Variants in IDO2 observed in about 807,000 individuals in gnomAD.
IDO2 encodes indoleamine 2,3-dioxygenase-like 1 protein.
A neutral mutation model predicts 45.1 loss-of-function variants in IDO2; 46 were observed. The observed-to-expected ratio is 1.02, with a 90% CI of 0.80 to 1.30. The LOEUF (loss-of-function observed/expected upper bound fraction) is 1.30, where lower values mean the gene tolerates loss of function less well. Among genes scored for constraint, IDO2 ranks in the 50% most tolerant of loss-of-function variants. The probability of loss-of-function intolerance (pLI) is 0.00; values close to 1 mark genes in which losing one functional copy is unlikely to be tolerated. For missense variants in IDO2, 544 were observed against 491.8 expected, an observed-to-expected ratio of 1.11 and a Z score of -1.00; for synonymous variants, 218 against 184.9, an observed-to-expected ratio of 1.18 and a Z score of -1.45.
At chr8:39,939,472 G>A (rs1807609366) in intron 1 of IDO2, among the ~76,000 whole-genome samples, 1 of 143,230 alleles carries the variant, frequency 7.0e-6, no homozygotes, top group African/African-American at 2.6e-5. Context: ...TCTTGAACCC[G>A]GGAGGCGGAG....
chr8:39,982,651 G>T lies in IDO2; in HGVS notation c.316-1G>T. ...TATTTGTCTGGATTTATATCTGAAA[G>T]GTCCTGCCAAGGAATCTTGCCCTTC... On this transcript the variant is annotated splice_acceptor_variant, in intron 4 of 10. Transcript: ENST00000502986. LOFTEE classifies it high-confidence loss of function. The T allele has an allele frequency of 6.3e-7, 1 of 1,588,502 alleles. No individual in the cohort carries two copies. The highest frequency in any genetic ancestry group is 8.6e-7 in the Non-Finnish European group (1 of 1,160,956).
At chr8:40,000,334 C>G (rs954126844) in intron 8 of IDO2, among the ~76,000 whole-genome samples, 4 of 151,666 alleles carry the variant, frequency 2.6e-5, no homozygotes, top group African/African-American at 4.8e-5. Context: ...CGCTTGAACC[C>G]AGGAGGCGGA....
At chr8:39,963,539 A>G in intron 2 of IDO2, 69 bp from the exon 3 acceptor site, 1 of 849,392 alleles carries the variant, frequency 1.2e-6, no homozygotes, top group Non-Finnish European at 1.9e-6. Flanking sequence ...GAAATGTGAA[A>G]ATAGCTACTC....
At chr8:40,011,849 C>T (rs1355593590) in intron 9 of IDO2, among the ~76,000 whole-genome samples, 1 of 152,218 alleles carries the variant, frequency 6.6e-6, no homozygotes, top group Non-Finnish European at 1.5e-5. Context: ...TCCATATCTG[C>T]TTGAGATAGA....
chr8:40,003,648 G>A (rs984419728), intron 8 of IDO2, among the ~76,000 whole-genome samples: 2 of 151,982 alleles, frequency 1.3e-5, no homozygotes, highest in African/African-American at 4.8e-5. Context: ...GATTATATGT[G>A]TTTTTTATTT....
chr8:39,962,678 C>G (rs1425630013), intron 2 of IDO2, among the ~76,000 whole-genome samples: 1 of 152,128 alleles, frequency 6.6e-6, no homozygotes, highest in Admixed American at 6.6e-5. Flanking sequence ...AGTCTCCCAC[C>G]TCACAATGGA....
At chr8:39,981,877 G>A (rs1468784249) in intron 4 of IDO2, among the ~76,000 whole-genome samples, 2 of 152,156 alleles carry the variant, frequency 1.3e-5, no homozygotes, top group Non-Finnish European at 2.9e-5. Context: ...CAGCTTTTCT[G>A]GACTTCTGGC....
chr8:39,972,070 A>G (rs2129594134), intron 3 of IDO2, among the ~76,000 whole-genome samples: 1 of 152,312 alleles, frequency 6.6e-6, no homozygotes, highest in East Asian at 1.9e-4. Context: ...TTGGCCTCCC[A>G]AAGTGCTGGG....
At chr8:40,011,504 A>G (rs891522531) in intron 9 of IDO2, among the ~76,000 whole-genome samples, 4 of 152,364 alleles carry the variant, frequency 2.6e-5, no homozygotes, top group East Asian at 3.9e-4. Flanking sequence ...CATTGGACAA[A>G]TCACAAAACC....
intron 10 of IDO2, among the ~76,000 whole-genome samples, chr8:40,015,030 C>T (rs1802365966): frequency 6.6e-6 from 1 of 151,990 alleles, no homozygotes; most frequent in Non-Finnish European, 1.5e-5. Context: ...GTGGCGCACA[C>T]CTGTAGTTTC....
chr8:39,981,017 G>A (rs1043009230), intron 4 of IDO2, among the ~76,000 whole-genome samples: 1 of 149,058 alleles, frequency 6.7e-6, no homozygotes, highest in Admixed American at 6.8e-5. Context: ...CTCCCAAAGT[G>A]CTGTGATTAC....
intron 2 of IDO2, among the ~76,000 whole-genome samples, chr8:39,956,170 C>G (rs1163340971): frequency 6.6e-6 from 1 of 151,546 alleles, no homozygotes; most frequent in Admixed American, 6.6e-5. Context: ...GAGAGTCTCT[C>G]GACTCAGCCT....
exon 11 of IDO2, chr8:40,016,067 G>C (rs1451643516): frequency 2.6e-6 from 1 of 391,684 alleles, no homozygotes; most frequent in Non-Finnish European, 4.5e-6. Flanking sequence ...TCTTCTCCCT[G>C]AATGTGTTGA....
At chr8:40,006,779 G>C (rs1802228859) in intron 9 of IDO2, among the ~76,000 whole-genome samples, 1 of 152,032 alleles carries the variant, frequency 6.6e-6, no homozygotes, top group South Asian at 2.1e-4. Flanking sequence ...TCCTGCCTCA[G>C]CCTCCCGAGT....
chr8:40,014,810 T>C (rs150761696), intron 10 of IDO2, among the ~76,000 whole-genome samples: 1 of 152,264 alleles, frequency 6.6e-6, no homozygotes, highest in Non-Finnish European at 1.5e-5. Context: ...CAAGGTAGAT[T>C]TGAGTTAGAA....
chr8:39,963,673 T>G lies in IDO2; in HGVS notation c.165T>G (p.Asp55Glu), dbSNP rs751616134. Residue 55 changes from aspartate (D) to glutamate (E), a missense_variant, in exon 3 of 11, where the codon GAT becomes GAG. Asp to Glu is a conservative substitution (Grantham distance 45, BLOSUM62 2). Coordinates refer to ENST00000502986, the Ensembl canonical transcript of IDO2. ...CCAACAAACTTCCTCAATTGATTGA[T>G]GCTCACCAGCTTCAAGCTCATGTGG... The G allele has an allele frequency of 9.9e-6, 16 of 1,610,196 alleles. No individual in the cohort carries two copies. The East Asian group carries it at 3.6e-4, about 36-fold the overall frequency.
exon 11 of IDO2, chr8:40,016,264 C>T (rs1648977267): frequency 7.5e-6 from 3 of 398,254 alleles, no homozygotes; most frequent in Non-Finnish European, 1.3e-5. Flanking sequence ...GAATTATTCT[C>T]TCTTCTTACT....
Position 40,004,525 on chromosome 8 carries a change from TGATAGATA to T in IDO2, c.668-767_668-760del, listed in dbSNP as rs201569450. On this transcript the variant is annotated intron_variant, in intron 8 of 10. Coordinates refer to ENST00000502986, the Ensembl canonical transcript of IDO2. ...GATGTAGACAGATTAGACAGACAGATGATAGATAGATAGATAGATAGATAGATAGATAG... is the reference window on the plus strand; with the variant it reads ...GATGTAGACAGATTAGACAGACAGATGATAGATAGATAGATAGATAGATAG... Among the ~76,000 whole-genome samples the T allele has an allele frequency of 8.6e-3, 1,243 of 144,510 alleles. 18 individuals are homozygous for T. The highest frequency in any genetic ancestry group is 0.03 in the African/African-American group (1,169 of 39,302). 94.8% of individuals were successfully genotyped at this position (144,510 alleles called of 152,430 possible). A position where few individuals can be genotyped will look rare whatever the true frequency, so the allele number is the denominator to read the frequency against.
In IDO2 at chr8:40,007,610, T is replaced by C. The variant is rs370205267; in HGVS notation, c.719+2232T>C. On this transcript the variant is annotated intron_variant, in intron 9 of 10. Coordinates refer to ENST00000502986, the Ensembl canonical transcript of IDO2. ...GCTACCACATAGCAGGCTTATACTA[T>C]AGATGCAGAAACAGACTGGGATTTA... Among the ~76,000 whole-genome samples, 95 of 152,328 alleles carry C rather than the reference T, an allele frequency of 6.2e-4. 1 individual carries two copies. The highest frequency in any genetic ancestry group is 3.4e-3 in the Middle Eastern group (1 of 294).
Sources: allele counts gnomAD v4.1 joint callset (sites outside exome capture counted in the v4.1 genomes callset), GRCh38; gene constraint gnomAD v4.1.1; transcripts MANE v1.5; gene names NCBI Gene and HGNC (gene_info 2026-07-23, HGNC 2026-07-21).